The following PLPPR1 variants were observed in gnomAD, a reference collection of about 807,000 sequenced individuals.
PLPPR1 encodes phospholipid phosphatase related 1.
PLPPR1 carries 10 observed loss-of-function variants against 33.1 expected under a neutral mutation model. The ratio of observed to expected loss-of-function variants is 0.30; its 90% CI spans 0.19 to 0.51. The LOEUF (loss-of-function observed/expected upper bound fraction) is 0.51, where lower values mean the gene tolerates loss of function less well. PLPPR1 is among the 20% of genes least tolerant of loss of function. The probability of loss-of-function intolerance (pLI) is 0.97; values close to 1 mark genes in which losing one functional copy is unlikely to be tolerated. For missense variants in PLPPR1, 304 were observed against 408.1 expected (o/e 0.74, Z 2.20); for synonymous variants, 151 against 151.0 (o/e 1.00, Z 0.00).
intron 4 of PLPPR1, among the ~76,000 whole-genome samples, chr9:101,308,211 T>C (rs1828889494): frequency 6.6e-6 from 1 of 152,120 alleles, no homozygotes; most frequent in Non-Finnish European, 1.5e-5. Context: ...CTATCCTGGA[T>C]TATCCAGATA....
intron 2 of PLPPR1, among the ~76,000 whole-genome samples, chr9:101,216,203 T>G (rs1826791923): frequency 6.6e-6 from 1 of 152,254 alleles, no homozygotes; most frequent in Non-Finnish European, 1.5e-5. Flanking sequence ...GCCTATTTTT[T>G]GGGTAAAAGC....
intron 1 of PLPPR1, among the ~76,000 whole-genome samples, chr9:101,030,163 A>G (rs1829926990): frequency 6.6e-6 from 1 of 151,782 alleles, no homozygotes; most frequent in Non-Finnish European, 1.5e-5. Context: ...AGTGCAGTGC[A>G]CCCGCTGCAC....
At chr9:101,092,943 T>C (rs1055640649) in intron 1 of PLPPR1, among the ~76,000 whole-genome samples, 1 of 152,072 alleles carries the variant, frequency 6.6e-6, no homozygotes. Context: ...AGTGAGAAAA[T>C]GACCATCTGC....
chr9:101,168,079 G>A (rs1038259598), intron 1 of PLPPR1, among the ~76,000 whole-genome samples: 5 of 152,016 alleles, frequency 3.3e-5, no homozygotes, highest in African/African-American at 9.7e-5. Context: ...ATTCAATTAC[G>A]TCCCACCAGA....
chr9:101,267,072 C>A (rs898102073), intron 2 of PLPPR1, among the ~76,000 whole-genome samples: 1 of 152,146 alleles, frequency 6.6e-6, no homozygotes, highest in African/African-American at 2.4e-5. Flanking sequence ...AGACACATGA[C>A]ACACACAAAA....
At chr9:101,138,128 T>G (rs1172004221) in intron 1 of PLPPR1, among the ~76,000 whole-genome samples, 1 of 152,218 alleles carries the variant, frequency 6.6e-6, no homozygotes, top group African/African-American at 2.4e-5. Flanking sequence ...ATCTTGTCTG[T>G]CCTAGTATTA....
At chr9:101,171,349 G>C (rs1825938756) in intron 1 of PLPPR1, among the ~76,000 whole-genome samples, 1 of 152,144 alleles carries the variant, frequency 6.6e-6, no homozygotes, top group Non-Finnish European at 1.5e-5. Context: ...TAAGAAAAAT[G>C]TGGGGGCCCA....
intron 1 of PLPPR1, among the ~76,000 whole-genome samples, chr9:101,070,291 G>A (rs1431229410): frequency 1.3e-5 from 2 of 152,018 alleles, no homozygotes; most frequent in Non-Finnish European, 2.9e-5. Flanking sequence ...ACTCGTAGAT[G>A]TTTATTATAT....
chr9:101,270,231 C>T (rs1448703639), intron 3 of PLPPR1, among the ~76,000 whole-genome samples, 163 bp downstream of exon 3: 1 of 152,182 alleles, frequency 6.6e-6, no homozygotes, highest in African/African-American at 2.4e-5. Context: ...CAGAAAAACT[C>T]ATTAACATAG....
intron 4 of PLPPR1, among the ~76,000 whole-genome samples, chr9:101,293,098 A>G (rs1399316490): frequency 2.0e-5 from 3 of 151,768 alleles, no homozygotes; most frequent in Admixed American, 6.6e-5. Context: ...AAATAAAAGG[A>G]TGGAGGAAGA....
chr9:101,319,543 G>C (rs1339969683), intron 7 of PLPPR1, among the ~76,000 whole-genome samples: 1 of 152,148 alleles, frequency 6.6e-6, no homozygotes, highest in Non-Finnish European at 1.5e-5. Context: ...CATTAATACA[G>C]TACCAAGTAT....
At chr9:101,192,371 T>C (rs1826311225) in intron 2 of PLPPR1, among the ~76,000 whole-genome samples, 2 of 152,298 alleles carry the variant, frequency 1.3e-5, no homozygotes, top group Non-Finnish European at 2.9e-5. Context: ...TATCCTTATA[T>C]AGAATGAGTG....
chr9:101,298,639 T>G (rs558025329), intron 4 of PLPPR1, among the ~76,000 whole-genome samples: 1 of 152,192 alleles, frequency 6.6e-6, no homozygotes, highest in Non-Finnish European at 1.5e-5. Context: ...GGGGGGCCGG[T>G]CATGTTCATT....
chr9:101,313,428 T>C (rs7858622), intron 6 of PLPPR1, among the ~76,000 whole-genome samples: 111,796 of 151,732 alleles, frequency 0.74, 42,479 homozygotes, highest in East Asian at 0.99. Flanking sequence ...TCAACTCTAA[T>C]TCCAAAGTTG....
Position 101,149,542 on chromosome 9 carries a change from T to G in PLPPR1, c.-45-35908T>G, listed in dbSNP as rs180840690. Among the ~76,000 whole-genome samples the G allele has an allele frequency of 1.5e-3, 235 of 152,318 alleles. 1 individual carries two copies. Among genetic ancestry groups the G allele is most frequent in the African/African-American group, 5.2e-3 (216 of 41,576 alleles). On this transcript the variant is annotated intron_variant, in intron 1 of 7. Coordinates refer to ENST00000374874, the MANE Select transcript of PLPPR1 (RefSeq NM_207299.2). ...GCTTACACTAGAGGTGGCTAGACAA[T>G]GAGAATAGTTTGGCTGGTTATAAAA...
Position 101,060,199 on chromosome 9 carries a change from T to C in PLPPR1, c.-46+31097T>C, listed in dbSNP as rs189084989. ...ATGGATGAACCTGGAGGATATTATG[T>C]TGAGTGAAATAAGCCAGAAACAGAA... On this transcript the variant is annotated intron_variant, in intron 1 of 7. Coordinates refer to ENST00000374874, the MANE Select transcript of PLPPR1 (RefSeq NM_207299.2). 6.6e-4 allele frequency among the ~76,000 whole-genome samples: 101 copies of C among 152,090 alleles called. 1 individual carries two copies. The highest frequency in any genetic ancestry group is 2.4e-3 in the Admixed American group (36 of 15,262).
intron 2 of PLPPR1, among the ~76,000 whole-genome samples, chr9:101,232,197 C>T (rs749232822): frequency 2.6e-5 from 4 of 151,844 alleles, no homozygotes; most frequent in East Asian, 1.9e-4. Context: ...TTAATGTCTT[C>T]GAAAGTAAAC....
rs114384799 is a variant in PLPPR1 at position 101,114,203 on chromosome 9, G to A, written c.-45-71247G>A. The stretch of plus-strand genomic sequence containing the variant: ...AGTAGTTAATATTTCATTGAACACT[G>A]TTCTAACTGCTTTAATGTATCATTT... On this transcript the variant is annotated intron_variant, in intron 1 of 7. Coordinates refer to ENST00000374874, the MANE Select transcript of PLPPR1 (RefSeq NM_207299.2). Among the ~76,000 whole-genome samples the A allele has an allele frequency of 3.3e-3, 503 of 152,272 alleles. 3 individuals carry two copies. Among genetic ancestry groups the A allele is most frequent in the African/African-American group, 0.012 (488 of 41,550 alleles).
chr9:101,149,701 T>A (rs2118647428), intron 1 of PLPPR1, among the ~76,000 whole-genome samples: 1 of 152,288 alleles, frequency 6.6e-6, no homozygotes, highest in South Asian at 2.1e-4. Context: ...CCAATAGAAG[T>A]TTTTATTCTC....
Sources: allele counts gnomAD v4.1 joint callset (sites outside exome capture counted in the v4.1 genomes callset), GRCh38; gene constraint gnomAD v4.1.1; transcripts MANE v1.5; gene names NCBI Gene and HGNC (gene_info 2026-07-23, HGNC 2026-07-21).